Variants in PHC3 observed in about 807,000 individuals in gnomAD.
PHC3 encodes the protein polyhomeotic-like protein 3.
In PHC3, 13 loss-of-function variants were observed where a neutral mutation model predicts 107.4. The observed-to-expected ratio is 0.12, with a 90% CI of 0.08 to 0.19. The LOEUF is 0.19. Among genes scored for constraint, PHC3 ranks in the 10% least tolerant of loss-of-function variants. The probability of loss-of-function intolerance (pLI) is 1.00; values close to 1 mark genes in which losing one functional copy is unlikely to be tolerated. For missense variants in PHC3, 992 were observed against 1,210.9 expected (o/e 0.82, Z 2.68); for synonymous variants, 456 against 427.4 (o/e 1.07, Z -0.83).
At chr3:170,158,989 C>G (rs1357550384) in intron 4 of PHC3, among the ~76,000 whole-genome samples, 1 of 151,036 alleles carries the variant, frequency 6.6e-6, no homozygotes, top group Non-Finnish European at 1.5e-5. Flanking sequence ...TGGTGGCTCA[C>G]ACCTGTAATC....
At chr3:170,159,921 T>C (rs1727602059) in intron 4 of PHC3, among the ~76,000 whole-genome samples, 1 of 152,178 alleles carries the variant, frequency 6.6e-6, no homozygotes, top group Non-Finnish European at 1.5e-5. Context: ...CATGTAAAGA[T>C]AATTATAAAA....
intron 4 of PHC3, among the ~76,000 whole-genome samples, chr3:170,155,594 C>T (rs1726763080): frequency 6.6e-6 from 1 of 152,014 alleles, no homozygotes; most frequent in African/African-American, 2.4e-5. Flanking sequence ...TTGTGGTGCA[C>T]ACCTGTGGTC....
chr3:170,181,344 A>T (rs1481641867), intron 1 of PHC3, among the ~76,000 whole-genome samples: 1 of 152,070 alleles, frequency 6.6e-6, no homozygotes, highest in Non-Finnish European at 1.5e-5. Context: ...AGGCAGCCGT[A>T]ACAAGGCTGC....
chr3:170,168,753 C>CA (rs59152470), intron 4 of PHC3, among the ~76,000 whole-genome samples: 38,216 of 76,700 alleles, frequency 0.5, 8,359 homozygotes, highest in East Asian at 0.64. Context: ...GACTCCGTCT[C>CA]AAAAAAAAAA....
intron 4 of PHC3, chr3:170,169,776 C>A (rs1729301943): frequency 6.6e-6 from 1 of 152,068 alleles, no homozygotes; most frequent in Admixed American, 6.6e-5. Flanking sequence ...AATAACATAT[C>A]TATACAAATA....
intron 3 of PHC3, among the ~76,000 whole-genome samples, chr3:170,172,030 T>C (rs1220498673): frequency 6.6e-6 from 1 of 152,168 alleles, no homozygotes; most frequent in Admixed American, 6.6e-5. Context: ...AGGAATAATA[T>C]GATTGGATTT....
At position 170,106,835 on chromosome 3, in the gene PHC3, T is replaced by C. The variant is rs1350753992; in HGVS notation, c.2465A>G (p.Lys822Arg). Residue 822 changes from lysine (K) to arginine (R), a missense_variant, in exon 12 of 15, where the codon AAA becomes AGA. Lys to Arg is a conservative substitution (Grantham distance 26). Transcript: ENST00000495893. Reference sequence around the variant, plus strand: ...AAATTCAAGAGCACAGAAATACCTTTTGGCACATGACATAGTGCAGAATCG... The same window carrying C: ...AAATTCAAGAGCACAGAAATACCTTCTGGCACATGACATAGTGCAGAATCG... ...SKRFCTMSCA[K>R]RYNVSCSKKF... The C allele has an allele frequency of 1.9e-6, 3 of 1,603,218 alleles. No homozygotes were observed. The highest frequency in any genetic ancestry group is 1.7e-5 in the Admixed American group (1 of 57,292).
At position 170,106,953 on chromosome 3, in the gene PHC3, A is replaced by C. The variant is rs1411104104; in HGVS notation, c.2354-7T>G. 5 of 1,577,384 alleles carry C rather than the reference A, an allele frequency of 3.2e-6. No homozygotes were observed. The highest frequency in any genetic ancestry group is 1.2e-5 in the South Asian group (1 of 85,554). On this transcript the variant is annotated splice_polypyrimidine_tract_variant and splice_region_variant and intron_variant, in intron 11 of 14. Transcript: ENST00000495893. Reference sequence around the variant, plus strand: ...TCCATTTCTTCTAATGTCTCTAAAAAAGAAGGAAACAAAGGAAAAAAAGGT... The same window carrying C: ...TCCATTTCTTCTAATGTCTCTAAAACAGAAGGAAACAAAGGAAAAAAAGGT...
intron 11 of PHC3, among the ~76,000 whole-genome samples, chr3:170,111,305 GGAAGGAAGGAAGGAACGAAC>G (rs1269186680): frequency 6.2e-4 from 59 of 95,470 alleles, no homozygotes; most frequent in African/African-American, 2.1e-3. Context: ...AAGGAAGGAA[GGAAGGAAGGAAGGAACGAAC>G]GAACGAAAGA....
intron 11 of PHC3, among the ~76,000 whole-genome samples, chr3:170,111,011 A>T (rs1576997054): frequency 1.3e-5 from 2 of 152,204 alleles, no homozygotes; most frequent in African/African-American, 4.8e-5. Context: ...ACAGTATTTG[A>T]GAATTAAAGG....
chr3:170,109,229 T>C (rs1164626151), intron 11 of PHC3, among the ~76,000 whole-genome samples: 1 of 152,170 alleles, frequency 6.6e-6, no homozygotes, highest in African/African-American at 2.4e-5. Context: ...TTTTCTCCCA[T>C]AGTAACAAAA....
Position 170,178,822 on chromosome 3 carries a change from T to C in PHC3, c.131A>G (p.Gln44Arg). 1.2e-6 allele frequency: 2 copies of C among 1,614,020 alleles called. No homozygotes were observed. The highest frequency in any genetic ancestry group is 1.7e-6 in the Non-Finnish European group (2 of 1,179,890). Reference sequence around the variant, plus strand: ...ACTGTAGACAGAGATCTGTGGCTGCTGCATTCGAGAGGAGGAAGTGGTGAT... The same window carrying C: ...ACTGTAGACAGAGATCTGTGGCTGCCGCATTCGAGAGGAGGAAGTGGTGAT... ...TTITTSSSRM[Q>R]QPQISVYSGS... The change falls in exon 2 of 15, where the codon CAG becomes CGG. Residue 44 changes from glutamine to arginine, a missense_variant. Coordinates refer to ENST00000495893, the MANE Select transcript of PHC3 (RefSeq NM_024947.4).
intron 7 of PHC3, 198 bp downstream of exon 7, chr3:170,136,221 T>C (rs1049222268): frequency 1.2e-5 from 7 of 591,060 alleles, no homozygotes; most frequent in African/African-American, 1.9e-5. Context: ...AAAAACCTAT[T>C]ATATTGTTAC....
rs1254116395 is a variant in PHC3, at chr3:170,096,587, T to A, written c.*643A>T. On this transcript the variant is annotated 3_prime_UTR_variant, in exon 15 of 15. Coordinates refer to ENST00000495893, the MANE Select transcript of PHC3 (RefSeq NM_024947.4). Reference sequence around the variant, plus strand: ...TGAGAACCACTGCTCTAAATAAATGTACAAAAACTGAGAGGAAAACGTTCT... The same window carrying A: ...TGAGAACCACTGCTCTAAATAAATGAACAAAAACTGAGAGGAAAACGTTCT... 6.6e-6 allele frequency: 1 copy of A among 152,092 alleles called. No individual in the cohort carries two copies. The highest frequency in any genetic ancestry group is 1.9e-4 in the East Asian group (1 of 5,194). 9.4% of individuals were successfully genotyped at this position (152,092 alleles called of 1,614,324 possible). A position where few individuals can be genotyped will look rare whatever the true frequency, so the allele number is the denominator to read the frequency against.
rs114491207 is a variant in PHC3, at chr3:170,108,518, A to G, written c.2354-1572T>C. 8.2e-3 allele frequency among the ~76,000 whole-genome samples: 1,242 copies of G among 152,308 alleles called. 19 individuals are homozygous for G. Among genetic ancestry groups the G allele is most frequent in the African/African-American group, 0.028 (1,176 of 41,558 alleles). ...GGAAATTCTCAGGACTACCTTCATA[A>G]GCAAAAGTCATCAATTTAGTAGCAA... On this transcript the variant is annotated intron_variant, in intron 11 of 14. Coordinates refer to ENST00000495893, the MANE Select transcript of PHC3 (RefSeq NM_024947.4).
In PHC3 at chr3:170,090,404, A is replaced by G. The variant is rs560306520; in HGVS notation, c.*6826T>C. ...ATGTCATGTTCACCAAACACTGCAC[A>G]TGTAAGTGTTCAAATAGTTTGCTAA... is the stretch of plus-strand genomic sequence containing the variant. On this transcript the variant is annotated 3_prime_UTR_variant, in exon 15 of 15. Transcript: ENST00000495893. The G allele has an allele frequency of 6.6e-6, 1 of 152,204 alleles. No homozygotes were observed. The highest frequency in any genetic ancestry group is 1.5e-5 in the Non-Finnish European group (1 of 68,036). 9.4% of individuals were successfully genotyped at this position (152,204 alleles called of 1,614,324 possible).
intron 4 of PHC3, among the ~76,000 whole-genome samples, chr3:170,158,158 GACC>G (rs1299562935): frequency 6.6e-6 from 1 of 151,972 alleles, no homozygotes; most frequent in Non-Finnish European, 1.5e-5. Flanking sequence ...AAGGTAAGCT[GACC>G]TGAGCTCTTC....
intron 4 of PHC3, among the ~76,000 whole-genome samples, chr3:170,152,316 G>T (rs990690313): frequency 6.8e-6 from 1 of 146,518 alleles, no homozygotes; most frequent in South Asian, 2.2e-4. Flanking sequence ...GACTACAGGC[G>T]CCCACCACCA....
At chr3:170,178,382 C>T (rs1010913834) in intron 2 of PHC3, among the ~76,000 whole-genome samples, 8 of 150,668 alleles carry the variant, frequency 5.3e-5, no homozygotes, top group Non-Finnish European at 1.2e-4. Flanking sequence ...CCGCCCGCCT[C>T]GGCCTCCCAA....
Sources: gnomAD v4.1 joint callset for allele counts (sites outside exome capture counted in the v4.1 genomes callset) on GRCh38, gnomAD v4.1.1 for gene constraint, MANE v1.5 for transcripts, NCBI Gene and HGNC (gene_info 2026-07-23, HGNC 2026-07-21) for gene names.